Variants in UROD observed in about 807,000 individuals in gnomAD.
UROD encodes uroporphyrinogen decarboxylase, also known as uroporphyrinogen III decarboxylase.
In UROD, 34 loss-of-function variants were observed where a neutral mutation model predicts 47.1. The ratio of observed to expected loss-of-function variants is 0.72; its 90% CI spans 0.55 to 0.96. The LOEUF (loss-of-function observed/expected upper bound fraction) is 0.96. UROD is among the 40% of genes least tolerant of loss of function. UROD has a pLI of 0.00. For missense variants in UROD, 381 were observed against 471.8 expected (o/e 0.81, Z 1.78); for synonymous variants, 148 against 175.8 (o/e 0.84, Z 1.25).
Position 45,013,175 on chromosome 1 carries a change from C to T in UROD, c.173C>T (p.Thr58Met), listed in dbSNP as rs1287179807. 1 of 1,614,180 alleles carries T rather than the reference C, an allele frequency of 6.2e-7. No individual in the cohort carries two copies. The highest frequency in any genetic ancestry group is 2.2e-5 in the East Asian group (1 of 44,882). Reference protein sequence around the residue: ...ETRAAQDFFSTCRSPEACCEL... With the variant: ...ETRAAQDFFSMCRSPEACCEL... ...CGGGCTGCCCAGGACTTTTTCAGCA[C>T]GTGTCGCTCTCCTGAGGCCTGCTGT... Residue 58 changes from threonine to methionine, a missense_variant, in exon 3 of 10, where the codon ACG becomes ATG. Transcript: ENST00000246337. The surrounding 1 kb of genome is among the most constrained non-coding windows in gnomAD (Gnocchi z 4.2).
In UROD at chr1:45,013,776, C is replaced by T; in HGVS notation, c.459C>T (p.Gly153=). The change falls in exon 5 of 10, where the codon GGC becomes GGT. Residue 153 remains glycine (G), a synonymous_variant. Coordinates refer to ENST00000246337, the MANE Select transcript of UROD (RefSeq NM_000374.5). This position sits in a 1 kb window ranked among gnomAD's most constrained non-coding sequence, Gnocchi z 4.2. ...QRLAGRVPLI[G]FAGAPWTLMT... ...TGGCTGGACGTGTGCCGCTGATTGGCTTTGCTGGTGCCCCAGTAATGTGGG... is the reference window on the plus strand; with the variant it reads ...TGGCTGGACGTGTGCCGCTGATTGGTTTTGCTGGTGCCCCAGTAATGTGGG... 6.2e-7 allele frequency: 1 copy of T among 1,614,188 alleles called. No individual in the cohort carries two copies. Among genetic ancestry groups the T allele is most frequent in the Non-Finnish European group, 8.5e-7 (1 of 1,180,044 alleles).
Position 45,014,850 on chromosome 1 carries a change from G to C in UROD, c.875+14G>C. 6.2e-7 allele frequency: 1 copy of C among 1,614,264 alleles called. No homozygotes were observed. The highest frequency in any genetic ancestry group is 8.5e-7 in the Non-Finnish European group (1 of 1,180,044). On this transcript the variant is annotated intron_variant, in intron 8 of 9. Coordinates refer to ENST00000246337, the MANE Select transcript of UROD (RefSeq NM_000374.5). ...AAAGAAAGCCCGGTAAGCCATGGAA[G>C]GGTGAGGCCTTGAGGTTGAGGTGGG...
chr1:45,012,279 G>A lies in UROD; in HGVS notation c.14G>A (p.Gly5Glu). 1 of 1,614,054 alleles carries A rather than the reference G, an allele frequency of 6.2e-7. No homozygotes were observed. Among genetic ancestry groups the A allele is most frequent in the Non-Finnish European group, 8.5e-7 (1 of 1,180,030 alleles). MEAN[G>E]LGPQGFPELK... ...AGACAGCTGACCATGGAAGCGAATGGGTTGGGGTGAGTTCTCCAGAGCACG... is the reference window on the plus strand; with the variant it reads ...AGACAGCTGACCATGGAAGCGAATGAGTTGGGGTGAGTTCTCCAGAGCACG... The change falls in exon 1 of 10, where the codon GGG becomes GAG. Residue 5 changes from glycine to glutamate, a missense_variant. Coordinates refer to ENST00000246337, the MANE Select transcript of UROD (RefSeq NM_000374.5).
chr1:45,015,025 CTG>C lies in UROD; in HGVS notation c.942+25_942+26del. 6.2e-7 allele frequency: 1 copy of C among 1,612,890 alleles called. No homozygotes were observed. The highest frequency in any genetic ancestry group is 1.3e-5 in the African/African-American group (1 of 74,988). On this transcript the variant is annotated intron_variant, in intron 9 of 9. Transcript: ENST00000246337. ...ATCTGAGGTAACAGCCAGGGCCCCT[CTG>C]TGTGTCTGTTACTGTGCACTCCTGT... is the stretch of plus-strand genomic sequence containing the variant.
In UROD at chr1:45,013,994, C is replaced by T; in HGVS notation, c.560C>T (p.Ala187Val). ...CGCTGGCTCTATCAGAGACCTCAGG[C>T]TAGTCACCAGCTGCTTCGCATCCTC... Reference protein sequence around the residue: ...AKRWLYQRPQASHQLLRILTD... With the variant: ...AKRWLYQRPQVSHQLLRILTD... Residue 187 changes from alanine (A) to valine (V), a missense_variant, in exon 6 of 10, where the codon GCT (alanine) becomes GTT (valine). Physicochemically the swap from Ala to Val is moderately conservative, Grantham distance 64. Transcript: ENST00000246337. This position sits in a 1 kb window ranked among gnomAD's most constrained non-coding sequence, Gnocchi z 4.2. 6.2e-7 allele frequency: 1 copy of T among 1,614,236 alleles called. No homozygotes were observed. The highest frequency in any genetic ancestry group is 8.5e-7 in the Non-Finnish European group (1 of 1,180,054).
intron 6 of UROD, 156 bp downstream of exon 6, chr1:45,014,226 C>T: frequency 7.7e-7 from 1 of 1,300,964 alleles, no homozygotes; most frequent in Admixed American, 1.8e-5. Flanking sequence ...CATCCTGACA[C>T]TGACAGTGGG....
chr1:45,014,861 T>G, intron 8 of UROD, 25 bp downstream of exon 8: 2 of 1,614,066 alleles, frequency 1.2e-6, no homozygotes, highest in South Asian at 1.1e-5. Flanking sequence ...GGTGAGGCCT[T>G]GAGGTTGAGG....
rs1316588454 is a variant in UROD, at chr1:45,013,583, T to G, written c.277-11T>G. ...CCATTTTGGGAACCCAGATGTTTTCTCCCCCTCCAGGCACTGGGCATGGAG... is the reference window on the plus strand; with the variant it reads ...CCATTTTGGGAACCCAGATGTTTTCGCCCCCTCCAGGCACTGGGCATGGAG... On this transcript the variant is annotated splice_polypyrimidine_tract_variant and intron_variant, in intron 4 of 9. Transcript: ENST00000246337. This position sits in a 1 kb window ranked among gnomAD's most constrained non-coding sequence, Gnocchi z 4.2. 1.9e-6 allele frequency: 3 copies of G among 1,613,902 alleles called. No individual in the cohort carries two copies. Among genetic ancestry groups the G allele is most frequent in the Non-Finnish European group, 2.5e-6 (3 of 1,180,006 alleles).
chr1:45,015,219 T>C, intron 9 of UROD, 118 bp from the exon 10 acceptor site: 1 of 1,485,312 alleles, frequency 6.7e-7, no homozygotes, highest in Non-Finnish European at 9.2e-7. Flanking sequence ...TAAATTTTAT[T>C]GAATGACTGA....
chr1:45,012,868 G>C (rs777780712), intron 1 of UROD, 39 bp from the exon 2 acceptor site: 57 of 1,611,890 alleles, frequency 3.5e-5, no homozygotes, highest in Non-Finnish European at 4.0e-5. Context: ...CTCCAGCGTA[G>C]CATACTGACA....
chr1:45,013,007 C>T lies in UROD; in HGVS notation c.121C>T (p.Arg41Cys), dbSNP rs1473064884. Residue 41 changes from arginine to cysteine, a missense_variant, in exon 2 of 10, where the codon CGT becomes TGT. By Grantham distance (180) the Arg-to-Cys change is radical. Transcript: ENST00000246337. The surrounding 1 kb of genome is among the most constrained non-coding windows in gnomAD (Gnocchi z 4.2). The part of the protein sequence containing the change: ...TPVWCMRQAG[R>C]YLPEFRETRA... ...CGTTTGGTGCATGCGCCAGGCAGGCCGTTACTTACCAGGTAAGAGTCAGGG... is the reference window on the plus strand; with the variant it reads ...CGTTTGGTGCATGCGCCAGGCAGGCTGTTACTTACCAGGTAAGAGTCAGGG... The T allele has an allele frequency of 2.5e-6, 4 of 1,613,922 alleles. No individual in the cohort carries two copies. Among genetic ancestry groups the T allele is most frequent in the Non-Finnish European group, 3.4e-6 (4 of 1,180,016 alleles).
chr1:45,014,882 G>C (rs1473027265), intron 8 of UROD, 46 bp downstream of exon 8: 2 of 1,614,198 alleles, frequency 1.2e-6, no homozygotes, highest in Non-Finnish European at 1.7e-6. Flanking sequence ...TGGGGGTGTT[G>C]GCTGGGGGAG....
chr1:45,013,468 C>T lies in UROD; in HGVS notation c.276+114C>T, dbSNP rs989798531. On this transcript the variant is annotated intron_variant, in intron 4 of 9. Transcript: ENST00000246337. This position sits in a 1 kb window ranked among gnomAD's most constrained non-coding sequence, Gnocchi z 4.2. ...TATCCTAACTGGATCGAGGGAAAAA[C>T]TAAGGTTGAAAGAAATGGAGTTTGG... 2.9e-5 allele frequency: 47 copies of T among 1,604,782 alleles called. No homozygotes were observed. Among genetic ancestry groups the T allele is most frequent in the Non-Finnish European group, 3.8e-5 (45 of 1,172,134 alleles).
intron 7 of UROD, 80 bp downstream of exon 7, chr1:45,014,656 G>C: frequency 6.2e-7 from 1 of 1,613,612 alleles, no homozygotes; most frequent in Non-Finnish European, 8.5e-7. Context: ...AGTGACCACT[G>C]GAGGGCAGCA....
chr1:45,013,930 G>A lies in UROD; in HGVS notation c.496G>A (p.Val166Ile). The change falls in exon 6 of 10, where the codon GTT becomes ATT. Residue 166 changes from valine (V) to isoleucine (I), a missense_variant. Physicochemically the swap from Val to Ile is conservative, Grantham distance 29 (BLOSUM62 3). Coordinates refer to ENST00000246337, the MANE Select transcript of UROD (RefSeq NM_000374.5). This position sits in a 1 kb window ranked among gnomAD's most constrained non-coding sequence, Gnocchi z 4.2. ...GAPWTLMTYM[V>I]EGGGSSTMAQ... ...CTAGTGGACCCTGATGACATACATG[G>A]TTGAGGGTGGTGGCTCAAGCACCAT... The A allele has an allele frequency of 6.2e-7, 1 of 1,614,208 alleles. No homozygotes were observed. The highest frequency in any genetic ancestry group is 8.5e-7 in the Non-Finnish European group (1 of 1,180,038).
At chr1:45,012,707 C>G (rs545478219) in intron 1 of UROD, 200 bp from the exon 2 acceptor site, 32 of 1,099,546 alleles carry the variant, frequency 2.9e-5, no homozygotes, top group Non-Finnish European at 3.8e-5. Context: ...AGGGAAGAGG[C>G]CCCAGGGCGG....
chr1:45,014,306 T>C, intron 6 of UROD, 133 bp from the exon 7 acceptor site: 1 of 1,479,804 alleles, frequency 6.8e-7, no homozygotes, highest in Non-Finnish European at 9.3e-7. Context: ...TTTTTTTTTT[T>C]TAATTACTGG....
intron 1 of UROD, 38 bp from the exon 2 acceptor site, chr1:45,012,869 C>G (rs1290226358): frequency 6.2e-7 from 1 of 1,612,248 alleles, no homozygotes; most frequent in African/African-American, 1.3e-5. Flanking sequence ...TCCAGCGTAG[C>G]ATACTGACAC....
chr1:45,014,293 AAT>A, intron 6 of UROD, 144 bp from the exon 7 acceptor site: 3 of 1,364,290 alleles, frequency 2.2e-6, no homozygotes, highest in Non-Finnish European at 3.1e-6. Context: ...GAGGAAAGTA[AAT>A]TTTTTTTTTT....
Sources: gnomAD v4.1 joint callset for allele counts on GRCh38, gnomAD v4.1.1 for gene constraint, Gnocchi (gnomAD v3.1) non-coding constraint, MANE v1.5 for transcripts, NCBI Gene and HGNC (gene_info 2026-07-23, HGNC 2026-07-21) for gene names.